PPP1R16B: variants seen among roughly 807,000 people sequenced by gnomAD.
The protein encoded by PPP1R16B is protein phosphatase 1 regulatory subunit 16B, also known as protein phosphatase 1 regulatory inhibitor subunit 16B.
In PPP1R16B, 14 loss-of-function variants were observed where a neutral mutation model predicts 61.7. The observed-to-expected ratio is 0.23, with a 90% CI of 0.15 to 0.35. The LOEUF (loss-of-function observed/expected upper bound fraction) is 0.35, where lower values mean the gene tolerates loss of function less well. Ranked by LOEUF, PPP1R16B falls within the 10% of genes least tolerant of loss-of-function variation. The probability of loss-of-function intolerance (pLI) is 1.00; values close to 1 mark genes in which losing one functional copy is unlikely to be tolerated. For synonymous variants in PPP1R16B, 266 were observed against 305.3 expected (o/e 0.87, Z 1.34); for missense variants, 547 against 752.5 (o/e 0.73, Z 3.19).
At chr20:38,882,041 C>T (rs530612086) in intron 2 of PPP1R16B, among the ~76,000 whole-genome samples, 10 of 152,252 alleles carry the variant, frequency 6.6e-5, no homozygotes, top group Middle Eastern at 6.8e-3. Flanking sequence ...GAGCAATAAT[C>T]GCAGGGAGCT....
intron 1 of PPP1R16B, among the ~76,000 whole-genome samples, chr20:38,826,680 G>A (rs949253991): frequency 6.6e-6 from 1 of 152,156 alleles, no homozygotes; most frequent in Non-Finnish European, 1.5e-5. Flanking sequence ...ACCAAATGCT[G>A]GGTGCAGATA....
intron 2 of PPP1R16B, among the ~76,000 whole-genome samples, chr20:38,873,895 A>C (rs1213680682): frequency 6.6e-6 from 1 of 151,792 alleles, no homozygotes; most frequent in Non-Finnish European, 1.5e-5. Flanking sequence ...CACTCGGCTA[A>C]TTTTTGTATT....
chr20:38,884,023 A>G (rs1163071875), intron 2 of PPP1R16B, among the ~76,000 whole-genome samples: 1 of 152,230 alleles, frequency 6.6e-6, no homozygotes, highest in African/African-American at 2.4e-5. Context: ...GTGGGCAAGA[A>G]GCTGCCCTGA....
Position 38,911,229 on chromosome 20 carries a change from C to T in PPP1R16B, c.1194+3036C>T, listed in dbSNP as rs62201390. Among the ~76,000 whole-genome samples, 734 of 147,074 alleles carry T rather than the reference C, an allele frequency of 5.0e-3. 4 individuals are homozygous for T. The highest frequency in any genetic ancestry group is 0.017 in the African/African-American group (680 of 39,994). On this transcript the variant is annotated intron_variant, in intron 10 of 10. Coordinates refer to ENST00000299824, the MANE Select transcript of PPP1R16B (RefSeq NM_015568.4). ...TCCCCCAGGCTGGAGTGCATTGGCGCGATCTCGGCTCACTGCAACCTCCAT... is the reference window on the plus strand; with the variant it reads ...TCCCCCAGGCTGGAGTGCATTGGCGTGATCTCGGCTCACTGCAACCTCCAT...
rs1463154891 is a variant in PPP1R16B, at chr20:38,836,139, C to G, written c.214C>G (p.Leu72Val). The change falls in exon 2 of 11, where the codon CTG becomes GTG. Residue 72 changes from leucine (L) to valine (V), a missense_variant. Physicochemically the swap from Leu to Val is conservative, Grantham distance 32 (BLOSUM62 1). Transcript: ENST00000299824. ...KKVSFEASVA[L>V]LEASLRNDAE... Reference sequence around the variant, plus strand: ...AGTGTCCTTCGAGGCCAGCGTGGCCCTGCTGGAGGCCTCGCTGAGGAACGA... The same window carrying G: ...AGTGTCCTTCGAGGCCAGCGTGGCCGTGCTGGAGGCCTCGCTGAGGAACGA... 6.2e-7 allele frequency: 1 copy of G among 1,611,866 alleles called. No individual in the cohort carries two copies. Among genetic ancestry groups the G allele is most frequent in the South Asian group, 1.1e-5 (1 of 91,030 alleles).
chr20:38,847,720 TTG>T (rs546191736), intron 2 of PPP1R16B, among the ~76,000 whole-genome samples: 4 of 152,244 alleles, frequency 2.6e-5, no homozygotes, highest in African/African-American at 9.6e-5. Flanking sequence ...ACGTTTATGT[TTG>T]TGTGTGTGAG....
intron 2 of PPP1R16B, among the ~76,000 whole-genome samples, chr20:38,874,498 T>C (rs571205929): frequency 2.0e-5 from 3 of 152,154 alleles, no homozygotes; most frequent in Admixed American, 2.0e-4. Flanking sequence ...CACTGGGAAA[T>C]GGTGGGGTCT....
At chr20:38,897,274 C>A (rs1237984528) in intron 4 of PPP1R16B, among the ~76,000 whole-genome samples, 1 of 152,150 alleles carries the variant, frequency 6.6e-6, no homozygotes, top group Non-Finnish European at 1.5e-5. Flanking sequence ...TTGCAGTGAG[C>A]CAAGATTGTA....
chr20:38,915,490 T>C (rs895237776), intron 10 of PPP1R16B, among the ~76,000 whole-genome samples: 1 of 152,170 alleles, frequency 6.6e-6, no homozygotes, highest in Admixed American at 6.5e-5. Flanking sequence ...TGGTGTTCTA[T>C]ATGGTTTTTT....
chr20:38,863,697 G>A (rs6071610), intron 2 of PPP1R16B, among the ~76,000 whole-genome samples: 9,275 of 152,268 alleles, frequency 0.061, 293 homozygotes, highest in Non-Finnish European at 0.063. Context: ...ACCTGTGGAT[G>A]TCATCCTAGA....
At chr20:38,901,682 T>G (rs2085395003) in intron 5 of PPP1R16B, among the ~76,000 whole-genome samples, 1 of 152,190 alleles carries the variant, frequency 6.6e-6, no homozygotes, top group Non-Finnish European at 1.5e-5. Flanking sequence ...ATTTCTGGGA[T>G]TACAGGCGTG....
intron 5 of PPP1R16B, among the ~76,000 whole-genome samples, chr20:38,901,301 C>T (rs954227207): frequency 2.6e-5 from 4 of 152,218 alleles, no homozygotes; most frequent in African/African-American, 7.2e-5. Context: ...CCTCAGTAAC[C>T]GTGATTGAAT....
chr20:38,810,564 T>C (rs1352538506), intron 1 of PPP1R16B, among the ~76,000 whole-genome samples: 1 of 152,210 alleles, frequency 6.6e-6, no homozygotes, highest in Non-Finnish European at 1.5e-5. Flanking sequence ...TTTTCCCACC[T>C]CTGCACTTGT....
At chr20:38,838,716 A>G (rs1428071633) in intron 2 of PPP1R16B, among the ~76,000 whole-genome samples, 1 of 152,136 alleles carries the variant, frequency 6.6e-6, no homozygotes, top group Admixed American at 6.5e-5. Flanking sequence ...CTTCCCTGAC[A>G]AAGCCCCATT....
intron 3 of PPP1R16B, among the ~76,000 whole-genome samples, chr20:38,895,363 A>T (rs1431320465): frequency 6.6e-6 from 1 of 150,776 alleles, no homozygotes; most frequent in Non-Finnish European, 1.5e-5. Context: ...TTTTACTCAC[A>T]AGGAGACTGA....
At chr20:38,913,475 A>C (rs542665674) in intron 10 of PPP1R16B, among the ~76,000 whole-genome samples, 1 of 151,870 alleles carries the variant, frequency 6.6e-6, no homozygotes, top group Non-Finnish European at 1.5e-5. Context: ...GCTGGCCAGG[A>C]TGGTCTCAAT....
chr20:38,833,091 G>A (rs2084848139), intron 1 of PPP1R16B, among the ~76,000 whole-genome samples: 1 of 152,044 alleles, frequency 6.6e-6, no homozygotes, highest in South Asian at 2.1e-4. Context: ...ACAAATTGGG[G>A]CCATCCATAA....
chr20:38,807,846 G>A (rs528464834), intron 1 of PPP1R16B, among the ~76,000 whole-genome samples: 17 of 152,086 alleles, frequency 1.1e-4, no homozygotes, highest in South Asian at 2.1e-4. Context: ...TCCTACCACC[G>A]TGACACTCAT....
At position 38,918,153 on chromosome 20, in the gene PPP1R16B, G is replaced by T. The variant is rs77164101; in HGVS notation, c.1195-4G>T. 3,999 of 1,612,478 alleles carry T rather than the reference G, an allele frequency of 2.5e-3. 92 individuals carry two copies. In the African/African-American group the frequency reaches 0.045, roughly 18 times the overall value. On this transcript the variant is annotated splice_region_variant and splice_polypyrimidine_tract_variant and intron_variant, in intron 10 of 10. Transcript: ENST00000299824. The surrounding 1 kb of genome is among the most constrained non-coding windows in gnomAD (Gnocchi z 5.3). ...GCTGGTAATGTTGTCCTTCTCACTC[G>T]CAGAACCCCAGGCTGGAGAAGCCCG...
Sources: allele counts gnomAD v4.1 joint callset (sites outside exome capture counted in the v4.1 genomes callset), GRCh38; gene constraint gnomAD v4.1.1; non-coding constraint Gnocchi (gnomAD v3.1); transcripts MANE v1.5; gene names NCBI Gene and HGNC (gene_info 2026-07-23, HGNC 2026-07-21).